The following SPIRE1 variants were observed in gnomAD, a reference collection of about 807,000 sequenced individuals.
SPIRE1 encodes the protein protein spire homolog 1.
A neutral mutation model predicts 94.1 loss-of-function variants in SPIRE1; 40 were observed. The observed-to-expected ratio is 0.43, with a 90% confidence interval of 0.33 to 0.55. SPIRE1 has a LOEUF of 0.55. Ranked by LOEUF, SPIRE1 falls within the 20% of genes least tolerant of loss-of-function variation. SPIRE1 has a pLI of 0.06. For missense variants in SPIRE1, 838 were observed against 975.2 expected, an observed-to-expected ratio of 0.86 and a Z score of 1.87; for synonymous variants, 376 against 371.7, an observed-to-expected ratio of 1.01 and a Z score of -0.13.
intron 2 of SPIRE1, among the ~76,000 whole-genome samples, chr18:12,589,737 C>T (rs1173628743): frequency 6.6e-6 from 1 of 152,226 alleles, no homozygotes; most frequent in Non-Finnish European, 1.5e-5. Flanking sequence ...CCTTCTGGTT[C>T]TCATTCAATG....
At chr18:12,498,486 G>C (rs1421925755) in intron 6 of SPIRE1, among the ~76,000 whole-genome samples, 1 of 152,100 alleles carries the variant, frequency 6.6e-6, no homozygotes, top group African/African-American at 2.4e-5. Context: ...GACCTCAGGT[G>C]ATCCGTCCAC....
chr18:12,481,555 A>G (rs1279769284), intron 9 of SPIRE1, among the ~76,000 whole-genome samples: 1 of 152,176 alleles, frequency 6.6e-6, no homozygotes, highest in African/African-American at 2.4e-5. Flanking sequence ...AAAAAGGGAA[A>G]GAGAAGGGAG....
intron 2 of SPIRE1, among the ~76,000 whole-genome samples, chr18:12,603,781 G>A (rs561856348): frequency 3.3e-5 from 5 of 152,086 alleles, no homozygotes; most frequent in Admixed American, 2.0e-4. Flanking sequence ...CACCATATTG[G>A]CCAGGCTGGT....
At chr18:12,615,345 A>AAAAAAAAAAAAAATATATATATATATAT in intron 2 of SPIRE1, among the ~76,000 whole-genome samples, 1 of 17,242 alleles carries the variant, frequency 5.8e-5, no homozygotes. Context: ...AAAAAAAAAA[A>AAAAAAAAAAAAAATATATATATATATAT]ATATATATAT....
Position 12,448,115 on chromosome 18 carries a change from T to C in SPIRE1, c.*1523A>G, listed in dbSNP as rs951748254. 6.6e-6 allele frequency: 1 copy of C among 152,666 alleles called. No individual in the cohort carries two copies. Among genetic ancestry groups the C allele is most frequent in the Admixed American group, 6.5e-5 (1 of 15,286 alleles). The allele number at this position is 152,666 out of a possible 1,614,324, so 9.5% of individuals were successfully genotyped here. The stretch of plus-strand genomic sequence containing the variant: ...GACCAACTGTTAACATGCATTATTT[T>C]AGTCAACTGGTAAAGTTTATTTCAT... On this transcript the variant is annotated 3_prime_UTR_variant, in exon 17 of 17. Coordinates refer to ENST00000409402, the MANE Select transcript of SPIRE1 (RefSeq NM_001128626.2). This position sits in a 1 kb window ranked among gnomAD's most constrained non-coding sequence, Gnocchi z 4.4.
At chr18:12,485,037 C>T (rs2032983947) in intron 9 of SPIRE1, among the ~76,000 whole-genome samples, 1 of 151,710 alleles carries the variant, frequency 6.6e-6, no homozygotes, top group South Asian at 2.1e-4. Context: ...TAAACTTGTA[C>T]TACAAATCTG....
chr18:12,591,437 G>A (rs555988262), intron 2 of SPIRE1, among the ~76,000 whole-genome samples: 1 of 152,186 alleles, frequency 6.6e-6, no homozygotes, highest in East Asian at 1.9e-4. Flanking sequence ...CTGAAGAAGA[G>A]GGGGAGCCAC....
At chr18:12,548,516 T>C (rs1325053611) in intron 2 of SPIRE1, among the ~76,000 whole-genome samples, 1 of 152,188 alleles carries the variant, frequency 6.6e-6, no homozygotes, top group Admixed American at 6.5e-5. Context: ...TTTTAAACAA[T>C]ACTGTTTTAA....
chr18:12,459,045 G>T (rs1438244477), intron 12 of SPIRE1, among the ~76,000 whole-genome samples: 4 of 152,200 alleles, frequency 2.6e-5, no homozygotes, highest in Non-Finnish European at 5.9e-5. Context: ...CACCTGCTAC[G>T]TGGTGGCAGA....
At chr18:12,636,772 G>A (rs1399596429) in intron 1 of SPIRE1, among the ~76,000 whole-genome samples, 3 of 152,066 alleles carry the variant, frequency 2.0e-5, no homozygotes, top group African/African-American at 7.2e-5. Flanking sequence ...TTTATTTATT[G>A]TTACATAAAA....
intron 2 of SPIRE1, among the ~76,000 whole-genome samples, chr18:12,579,627 T>TTA (rs1261275851): frequency 6.6e-6 from 1 of 152,246 alleles, no homozygotes; most frequent in East Asian, 1.9e-4. Flanking sequence ...ATGGTGAATG[T>TTA]TATATGTATT....
At chr18:12,576,875 T>G (rs1598488577) in intron 2 of SPIRE1, among the ~76,000 whole-genome samples, 3 of 114,636 alleles carry the variant, frequency 2.6e-5, no homozygotes, top group Admixed American at 2.3e-4. Flanking sequence ...GGCGACAGAG[T>G]GAGGCTCTGT....
At chr18:12,541,690 C>T (rs1042071318) in intron 3 of SPIRE1, among the ~76,000 whole-genome samples, 1 of 151,770 alleles carries the variant, frequency 6.6e-6, no homozygotes, top group African/African-American at 2.4e-5. Flanking sequence ...TTTCTATGTC[C>T]TATTTATAGT....
intron 9 of SPIRE1, among the ~76,000 whole-genome samples, chr18:12,480,588 G>T (rs1478278481): frequency 6.6e-6 from 1 of 152,188 alleles, no homozygotes; most frequent in Non-Finnish European, 1.5e-5. Flanking sequence ...AGTACAGGCA[G>T]TGAACAATAA....
chr18:12,626,867 A>AATATATAT (rs1555634098), intron 2 of SPIRE1, among the ~76,000 whole-genome samples: 124 of 110,436 alleles, frequency 1.1e-3, no homozygotes, highest in South Asian at 2.8e-3. Context: ...TAAGCTGTAA[A>AATATATAT]ATATATATAT....
chr18:12,644,492 C>T (rs1356687267), intron 1 of SPIRE1, among the ~76,000 whole-genome samples: 6 of 151,762 alleles, frequency 4.0e-5, no homozygotes, highest in Non-Finnish European at 5.9e-5. Context: ...TCAAACAAGT[C>T]AGAAAGTGGC....
intron 12 of SPIRE1, among the ~76,000 whole-genome samples, chr18:12,460,666 T>A (rs1443750275): frequency 6.6e-6 from 1 of 151,290 alleles, no homozygotes; most frequent in Non-Finnish European, 1.5e-5. Flanking sequence ...GAATCGAGAT[T>A]GAGCCATTGC....
chr18:12,454,249 CTG>C, intron 13 of SPIRE1, 95 bp downstream of exon 13: 2 of 1,424,908 alleles, frequency 1.4e-6, no homozygotes, highest in Non-Finnish European at 2.0e-6. Flanking sequence ...CCCTCAAAGT[CTG>C]TGCCACCTGG....
chr18:12,620,787 T>C (rs2037443643), intron 2 of SPIRE1, among the ~76,000 whole-genome samples: 1 of 151,940 alleles, frequency 6.6e-6, no homozygotes, highest in African/African-American at 2.4e-5. Context: ...AGCAATAAAA[T>C]AAAAAATAAA....
Sources: gnomAD v4.1 joint callset for allele counts (sites outside exome capture counted in the v4.1 genomes callset) on GRCh38, gnomAD v4.1.1 for gene constraint, Gnocchi (gnomAD v3.1) non-coding constraint, MANE v1.5 for transcripts, NCBI Gene and HGNC (gene_info 2026-07-23, HGNC 2026-07-21) for gene names.